Variants in SOX5 observed in about 807,000 individuals in gnomAD.
SOX5 encodes SRY-box transcription factor 5, also known as transcription factor SOX-5.
A neutral mutation model predicts 92.0 loss-of-function variants in SOX5; 9 were observed. The ratio of observed to expected loss-of-function variants is 0.10; its 90% CI spans 0.06 to 0.17. SOX5 has a LOEUF of 0.17. Ranked by LOEUF, SOX5 falls within the 10% of genes least tolerant of loss-of-function variation. The pLI is 1.00. For synonymous variants in SOX5, 344 were observed against 336.3 expected (o/e 1.02, Z -0.25); for missense variants, 642 against 944.5 (o/e 0.68, Z 4.20).
intron 3 of SOX5, among the ~76,000 whole-genome samples, chr12:23,831,632 A>G (rs2096323624): frequency 1.3e-5 from 2 of 151,994 alleles, no homozygotes; most frequent in Non-Finnish European, 2.9e-5. Context: ...TAAAGTCCAT[A>G]CTAAAGGCAA....
intron 4 of SOX5, among the ~76,000 whole-genome samples, chr12:24,196,248 C>T (rs555069454): frequency 9.9e-5 from 15 of 152,126 alleles, no homozygotes; most frequent in Non-Finnish European, 1.9e-4. Flanking sequence ...CTGTGAAGCA[C>T]GTGATTCTGA....
At chr12:24,229,539 G>A (rs1448904882) in intron 3 of SOX5, among the ~76,000 whole-genome samples, 1 of 152,206 alleles carries the variant, frequency 6.6e-6, no homozygotes, top group East Asian at 1.9e-4. Context: ...TTGGGTAAAT[G>A]TGCTTTGTTT....
rs10711734 is a variant in SOX5, at chr12:24,179,943, TAA to T, written c.-2+33398_-2+33399del. On this transcript the variant is annotated intron_variant, in intron 4 of 4. Transcript: ENST00000446891. ...TAGGCCTTATAATCTTTTTTTTTAT[TAA>T]AAAAAAAAAAGAAAAGAAAAGTTAT... Among the ~76,000 whole-genome samples the T allele has an allele frequency of 5.6e-5, 8 of 142,792 alleles. No individual in the cohort carries two copies. In the East Asian group the frequency reaches 6.0e-4, roughly 11 times the overall value. 93.7% of individuals were successfully genotyped at this position (142,792 alleles called of 152,430 possible). A position where few individuals can be genotyped will look rare whatever the true frequency, so the allele number is the denominator to read the frequency against.
intron 5 of SOX5, among the ~76,000 whole-genome samples, chr12:23,736,378 C>T (rs924195668): frequency 1.2e-4 from 19 of 152,104 alleles, no homozygotes; most frequent in Middle Eastern, 3.4e-3. Context: ...AGGAGAATGT[C>T]GTGAACCTGG....
At chr12:24,004,657 A>G (rs1277287882) in intron 4 of SOX5, among the ~76,000 whole-genome samples, 3 of 152,154 alleles carry the variant, frequency 2.0e-5, no homozygotes, top group Non-Finnish European at 4.4e-5. Flanking sequence ...GCGCCTGCAT[A>G]TATATTGCTG....
chr12:24,173,549 T>C (rs2139167309), intron 4 of SOX5, among the ~76,000 whole-genome samples: 1 of 152,338 alleles, frequency 6.6e-6, no homozygotes, highest in African/African-American at 2.4e-5. Flanking sequence ...TTTCCAGCTT[T>C]CTACCTGGTA....
At chr12:24,357,859 G>A (rs560040) in intron 2 of SOX5, among the ~76,000 whole-genome samples, 55,073 of 144,138 alleles carry the variant, frequency 0.38, 11,734 homozygotes, top group East Asian at 0.78. Context: ...AAAAAAGAAA[G>A]AAGAAAAAAG....
intron 1 of SOX5, among the ~76,000 whole-genome samples, chr12:24,555,191 G>GT: frequency 6.6e-6 from 1 of 152,328 alleles, no homozygotes; most frequent in East Asian, 1.9e-4. Flanking sequence ...GACTTGCAAG[G>GT]TGTTTGAGGC....
Position 24,525,739 on chromosome 12 carries a change from G to A in SOX5, c.-251+36590C>T, listed in dbSNP as rs183459782. Among the ~76,000 whole-genome samples the A allele has an allele frequency of 5.1e-3, 776 of 152,174 alleles. 1 individual carries two copies. Among genetic ancestry groups the A allele is most frequent in the Non-Finnish European group, 6.3e-3 (425 of 67,994 alleles). On this transcript the variant is annotated intron_variant, in intron 1 of 4. Transcript: ENST00000446891. ...ACCAAAAAAATAGCCGGGCTTGGTG[G>A]CGGGCGCCTGTAGTCCCAGCGACTC...
intron 1 of SOX5, among the ~76,000 whole-genome samples, chr12:23,908,603 C>T (rs2097317604): frequency 6.6e-6 from 1 of 151,654 alleles, no homozygotes; most frequent in African/African-American, 2.4e-5. Context: ...TTTTCTCAAA[C>T]AACAGCTTCT....
chr12:24,344,710 A>G (rs927766786), intron 2 of SOX5, among the ~76,000 whole-genome samples: 2 of 152,350 alleles, frequency 1.3e-5, no homozygotes, highest in African/African-American at 4.8e-5. Context: ...GAGCACGCCA[A>G]TGTGCTCTGA....
chr12:24,047,200 G>A (rs1433799196), intron 4 of SOX5, among the ~76,000 whole-genome samples: 1 of 152,158 alleles, frequency 6.6e-6, no homozygotes, highest in Non-Finnish European at 1.5e-5. Flanking sequence ...ATGCTGGGCT[G>A]ACCTTTTCTG....
chr12:23,868,497 T>G (rs1369451333), intron 2 of SOX5, among the ~76,000 whole-genome samples: 1 of 152,128 alleles, frequency 6.6e-6, no homozygotes, highest in African/African-American at 2.4e-5. Context: ...TTACTTTCCA[T>G]TCACTTTTGC....
intron 3 of SOX5, among the ~76,000 whole-genome samples, chr12:23,774,516 T>G (rs897974241): frequency 5.9e-5 from 9 of 152,198 alleles, no homozygotes; most frequent in African/African-American, 2.2e-4. Flanking sequence ...AGTCAAATTT[T>G]TTGTACTAAA....
chr12:24,139,668 C>T (rs1442126527), intron 4 of SOX5, among the ~76,000 whole-genome samples: 1 of 152,200 alleles, frequency 6.6e-6, no homozygotes, highest in African/African-American at 2.4e-5. Flanking sequence ...ACACACACTG[C>T]AATTTTTAAT....
chr12:23,752,446 T>C lies in SOX5; in HGVS notation c.568+3192A>G, dbSNP rs115090600. ...ACAAATAAACATTAAGTCAGCAAAATACAAATTTTGCAATTACTTTGTTGA... is the reference window on the plus strand; with the variant it reads ...ACAAATAAACATTAAGTCAGCAAAACACAAATTTTGCAATTACTTTGTTGA... On this transcript the variant is annotated intron_variant, in intron 4 of 14. Transcript: ENST00000451604. Among the ~76,000 whole-genome samples, 1,422 of 151,952 alleles carry C rather than the reference T, an allele frequency of 9.4e-3. 24 individuals carry two copies. Among genetic ancestry groups the C allele is most frequent in the African/African-American group, 0.032 (1,321 of 41,502 alleles).
intron 2 of SOX5, among the ~76,000 whole-genome samples, chr12:24,350,970 T>C (rs190900966): frequency 3.3e-5 from 5 of 152,152 alleles, no homozygotes; most frequent in Non-Finnish European, 5.9e-5. Context: ...GGCATGAGAA[T>C]TGCCTCGAGC....
intron 6 of SOX5, among the ~76,000 whole-genome samples, chr12:23,695,301 C>T (rs1040565731): frequency 6.6e-5 from 10 of 152,022 alleles, no homozygotes; most frequent in African/African-American, 2.4e-4. Context: ...TTCAAAAATG[C>T]TTTGAAATTC....
chr12:24,469,320 G>A (rs764999079), intron 1 of SOX5, among the ~76,000 whole-genome samples: 5 of 152,142 alleles, frequency 3.3e-5, no homozygotes, highest in African/African-American at 4.8e-5. Flanking sequence ...CTCCTGCTGC[G>A]TGGCCAAGTT....
Sources: gnomAD v4.1 joint callset for allele counts (sites outside exome capture counted in the v4.1 genomes callset) on GRCh38, gnomAD v4.1.1 for gene constraint, MANE v1.5 for transcripts, NCBI Gene and HGNC (gene_info 2026-07-23, HGNC 2026-07-21) for gene names.